Variants in DAB1 observed in about 807,000 individuals in gnomAD.
DAB1 encodes the protein DAB adaptor protein 1.
Under a neutral mutation model 64.6 loss-of-function variants are expected in DAB1, and 15 were observed. That is an observed-to-expected ratio of 0.23 (90% CI 0.16 to 0.36). DAB1 has a LOEUF of 0.36. DAB1 is among the 10% of genes least tolerant of loss of function. DAB1 has a pLI of 1.00. For missense variants in DAB1, 596 were observed against 706.7 expected (o/e 0.84, Z 1.78); for synonymous variants, 235 against 251.9 (o/e 0.93, Z 0.64).
chr1:57,029,802 C>T (rs1371677984), intron 9 of DAB1, among the ~76,000 whole-genome samples: 1 of 152,234 alleles, frequency 6.6e-6, no homozygotes, highest in African/African-American at 2.4e-5. Flanking sequence ...TACTCAATAC[C>T]TGTACCTCCA....
intron 3 of DAB1, among the ~76,000 whole-genome samples, chr1:58,404,940 T>C (rs908266060): frequency 1.3e-5 from 2 of 152,194 alleles, no homozygotes; most frequent in Non-Finnish European, 2.9e-5. Context: ...AATCTTCCAA[T>C]TGGGCTGGTG....
chr1:57,435,813 T>A (rs1192490745), intron 7 of DAB1, among the ~76,000 whole-genome samples: 1 of 152,024 alleles, frequency 6.6e-6, no homozygotes, highest in African/African-American at 2.4e-5. Context: ...AAAATAATGA[T>A]CAGAGTATAA....
At chr1:58,030,123 C>T (rs1298544256) in intron 5 of DAB1, among the ~76,000 whole-genome samples, 1 of 152,034 alleles carries the variant, frequency 6.6e-6, no homozygotes, top group African/African-American at 2.4e-5. Context: ...GGGAGAATTG[C>T]TTGAACCTGG....
intron 2 of DAB1, among the ~76,000 whole-genome samples, chr1:57,162,108 C>T (rs902604288): frequency 1.5e-4 from 23 of 152,176 alleles, no homozygotes; most frequent in African/African-American, 5.6e-4. Flanking sequence ...ATGCATTTTC[C>T]CTGCGAGAAT....
chr1:57,393,916 G>A (rs1045173421), intron 1 of DAB1, among the ~76,000 whole-genome samples: 2 of 152,144 alleles, frequency 1.3e-5, no homozygotes, highest in African/African-American at 4.8e-5. Context: ...ATAGATGACT[G>A]AAGGCTATAG....
At chr1:58,061,738 G>A (rs1315983927) in intron 5 of DAB1, among the ~76,000 whole-genome samples, 2 of 151,456 alleles carry the variant, frequency 1.3e-5, no homozygotes, top group African/African-American at 4.9e-5. Context: ...TCAGTAGAGT[G>A]AGGGTAATAA....
upstream of DAB1, among the ~76,000 whole-genome samples, chr1:57,887,482 C>T (rs939969020): frequency 7.9e-5 from 12 of 152,144 alleles, no homozygotes; most frequent in African/African-American, 1.7e-4. Context: ...TGCCAGTCAA[C>T]GCATAGAAGA....
At chr1:57,269,444 G>T (rs1448335780) in intron 2 of DAB1, among the ~76,000 whole-genome samples, 2 of 152,002 alleles carry the variant, frequency 1.3e-5, no homozygotes, top group Admixed American at 6.6e-5. Flanking sequence ...TTCATACTCT[G>T]TGGCTCTCTT....
intron 5 of DAB1, among the ~76,000 whole-genome samples, chr1:58,050,622 T>C (rs1277935288): frequency 3.9e-5 from 6 of 152,078 alleles, no homozygotes; most frequent in Admixed American, 3.9e-4. Flanking sequence ...CTCCACCTCC[T>C]GGGTTCACGC....
intron 1 of DAB1, among the ~76,000 whole-genome samples, chr1:57,396,681 C>T (rs976958128): frequency 2.0e-5 from 3 of 152,188 alleles, no homozygotes; most frequent in African/African-American, 7.2e-5. Context: ...ACCTTGACCA[C>T]GTACTAGTAC....
intron 1 of DAB1, among the ~76,000 whole-genome samples, chr1:57,853,572 G>A (rs576158905): frequency 8.4e-4 from 119 of 141,436 alleles, no homozygotes; most frequent in African/African-American, 2.9e-3. Flanking sequence ...CTCAACATGT[G>A]TTTAAAATTA....
intron 7 of DAB1, among the ~76,000 whole-genome samples, chr1:57,562,767 T>C (rs1645067893): frequency 6.6e-6 from 1 of 152,130 alleles, no homozygotes; most frequent in African/African-American, 2.4e-5. Flanking sequence ...GAGGGAGAGA[T>C]GCTGCCACCA....
intron 2 of DAB1, among the ~76,000 whole-genome samples, chr1:57,248,128 T>C (rs1669027200): frequency 6.6e-6 from 1 of 152,350 alleles, no homozygotes; most frequent in Non-Finnish European, 1.5e-5. Context: ...CATATCCTCC[T>C]GTACACTTTA....
At chr1:57,354,330 C>A (rs1678884700) in intron 1 of DAB1, among the ~76,000 whole-genome samples, 1 of 152,104 alleles carries the variant, frequency 6.6e-6, no homozygotes, top group South Asian at 2.1e-4. Context: ...AAAAATCAAT[C>A]AATCCTAATC....
At chr1:57,407,623 C>T (rs560093882) in intron 1 of DAB1, among the ~76,000 whole-genome samples, 1 of 152,186 alleles carries the variant, frequency 6.6e-6, no homozygotes, top group South Asian at 2.1e-4. Context: ...TCGGCCGAGG[C>T]CCAGAGAGTG....
intron 1 of DAB1, among the ~76,000 whole-genome samples, chr1:57,385,836 T>C (rs570570496): frequency 6.6e-6 from 1 of 152,322 alleles, no homozygotes; most frequent in Non-Finnish European, 1.5e-5. Flanking sequence ...CGTGCTGCAC[T>C]TTATCATTGA....
intron 4 of DAB1, among the ~76,000 whole-genome samples, chr1:57,125,125 C>T (rs1657017616): frequency 6.6e-6 from 1 of 152,188 alleles, no homozygotes; most frequent in Non-Finnish European, 1.5e-5. Context: ...AGCAGCTCTG[C>T]TAGGCTAATT....
intron 4 of DAB1, among the ~76,000 whole-genome samples, chr1:58,203,978 A>G (rs866882821): frequency 3.3e-5 from 5 of 151,728 alleles, no homozygotes; most frequent in Non-Finnish European, 7.3e-5. Context: ...AGAAAAACTC[A>G]AGAGTTTAGC....
chr1:57,072,367 C>G lies in DAB1; in HGVS notation c.354G>C (p.Lys118Asn). Residue 118 changes from lysine to asparagine, a missense_variant, in exon 5 of 15, where the codon AAG (lysine) becomes AAC (asparagine). Lys to Asn is a moderately conservative substitution (Grantham distance 94). Around this residue, in one of 3 missense-constraint regions of DAB1, gnomAD observed 176 missense variants for 266.7 expected, o/e 0.66. Transcript: ENST00000371236. ...CAAAGGCCCGGTGATCTGTAATGTC[C>G]TTTGCAATGTAGGATATTTCATGAA... ...HAVHEISYIA[K>N]DITDHRAFGY... 1 of 1,613,782 alleles carries G rather than the reference C, an allele frequency of 6.2e-7. No homozygotes were observed. Among genetic ancestry groups the G allele is most frequent in the Non-Finnish European group, 8.5e-7 (1 of 1,179,784 alleles).
Sources: allele counts gnomAD v4.1 joint callset (sites outside exome capture counted in the v4.1 genomes callset), GRCh38; gene constraint gnomAD v4.1.1; regional missense constraint gnomAD v4.1.1; transcripts MANE v1.5; gene names NCBI Gene and HGNC (gene_info 2026-07-23, HGNC 2026-07-21).